EML4: variants seen among roughly 807,000 people sequenced by gnomAD.
The protein encoded by EML4 is EMAP like 4, also known as echinoderm microtubule-associated protein-like 4.
EML4 carries 72 observed loss-of-function variants against 129.0 expected under a neutral mutation model. That is an observed-to-expected ratio of 0.56 (90% CI 0.46 to 0.68). EML4 has a LOEUF of 0.68. Among genes scored for constraint, EML4 ranks in the 30% least tolerant of loss-of-function variants. The probability of loss-of-function intolerance (pLI) is 0.00; values close to 1 mark genes in which losing one functional copy is unlikely to be tolerated. For synonymous variants in EML4, 532 were observed against 405.0 expected, an observed-to-expected ratio of 1.31 and a Z score of -3.77; for missense variants, 1,363 against 1,190.6, an observed-to-expected ratio of 1.14 and a Z score of -2.13.
intron 3 of EML4, among the ~76,000 whole-genome samples, chr2:42,259,686 A>ACGCATCT (rs1665586212): frequency 6.6e-6 from 1 of 150,684 alleles, no homozygotes; most frequent in African/African-American, 2.4e-5. Context: ...GTATGTTAGA[A>ACGCATCT]CGCATCTCTC....
rs146612827 is a variant in EML4, at chr2:42,278,240, G to A, written c.668-2610G>A. ...GGGATGCTAGAGGCAGGGTTAAGTC[G>A]GGGTGGGGTTTTTTTGGTTTTTTGT... On this transcript the variant is annotated intron_variant, in intron 6 of 22. Coordinates refer to ENST00000318522, the MANE Select transcript of EML4 (RefSeq NM_019063.5). 5.7e-3 allele frequency among the ~76,000 whole-genome samples: 873 copies of A among 152,222 alleles called. 2 individuals are homozygous for A. The highest frequency in any genetic ancestry group is 0.041 in the Middle Eastern group (12 of 294).
chr2:42,268,255 A>G lies in EML4; in HGVS notation c.667+3524A>G, dbSNP rs181942654. ...GTCATAATTCCCTAAACAATACAAT[A>G]TAACAACTAATAAGTAATCTAAAGA... On this transcript the variant is annotated intron_variant, in intron 6 of 22. Coordinates refer to ENST00000318522, the MANE Select transcript of EML4 (RefSeq NM_019063.5). Among the ~76,000 whole-genome samples the G allele has an allele frequency of 1.4e-3, 220 of 152,296 alleles. 1 individual carries two copies. Among genetic ancestry groups the G allele is most frequent in the Non-Finnish European group, 2.4e-3 (165 of 68,022 alleles).
intron 1 of EML4, among the ~76,000 whole-genome samples, chr2:42,190,785 A>C (rs957050108): frequency 6.6e-6 from 1 of 152,258 alleles, no homozygotes; most frequent in Non-Finnish European, 1.5e-5. Flanking sequence ...GCCATAAACA[A>C]TATGTAAACA....
intron 1 of EML4, among the ~76,000 whole-genome samples, chr2:42,212,983 C>T (rs541388925): frequency 6.6e-6 from 1 of 152,276 alleles, no homozygotes; most frequent in Admixed American, 6.5e-5. Flanking sequence ...CTCTAAGTCA[C>T]TTTCCAAAAT....
At chr2:42,306,298 A>C (rs1485183111) in intron 17 of EML4, among the ~76,000 whole-genome samples, 1 of 152,188 alleles carries the variant, frequency 6.6e-6, no homozygotes, top group Admixed American at 6.5e-5. Flanking sequence ...CAACCAAAAA[A>C]AATGGTTAAG....
chr2:42,258,197 G>C (rs1012742050), intron 3 of EML4, among the ~76,000 whole-genome samples: 1 of 152,074 alleles, frequency 6.6e-6, no homozygotes. Flanking sequence ...AAGGAAAATG[G>C]CTCTTTTAGG....
intron 1 of EML4, among the ~76,000 whole-genome samples, chr2:42,184,805 A>G (rs1275651457): frequency 2.0e-5 from 3 of 152,182 alleles, no homozygotes; most frequent in East Asian, 3.8e-4. Context: ...TAAGTCATAT[A>G]TAGCCCTTTA....
chr2:42,285,437 C>A (rs1056243626), intron 9 of EML4, among the ~76,000 whole-genome samples: 16 of 152,136 alleles, frequency 1.1e-4, no homozygotes, highest in South Asian at 2.1e-4. Context: ...ACTTCTAAGA[C>A]CCCTTCCAGT....
intron 6 of EML4, among the ~76,000 whole-genome samples, chr2:42,268,626 C>T (rs892832934): frequency 4.6e-5 from 7 of 152,004 alleles, no homozygotes; most frequent in African/African-American, 1.7e-4. Context: ...TTTATAGAGG[C>T]AGGGTGTCAC....
intron 1 of EML4, among the ~76,000 whole-genome samples, chr2:42,236,255 G>A (rs975100815): frequency 3.9e-5 from 6 of 152,198 alleles, no homozygotes; most frequent in East Asian, 3.9e-4. Context: ...GTTGCACATC[G>A]CCATAGTTTA....
chr2:42,193,020 T>A (rs1671693383), intron 1 of EML4, among the ~76,000 whole-genome samples: 1 of 152,200 alleles, frequency 6.6e-6, no homozygotes, highest in Admixed American at 6.5e-5. Context: ...TGGCTCCACT[T>A]AGCCAAACCT....
chr2:42,176,111 T>C (rs543726929), intron 1 of EML4, among the ~76,000 whole-genome samples: 4 of 152,202 alleles, frequency 2.6e-5, no homozygotes, highest in South Asian at 2.1e-4. Flanking sequence ...TCTGAACTTC[T>C]CTCCTGAATC....
chr2:42,221,175 T>C (rs1346806874), intron 1 of EML4, among the ~76,000 whole-genome samples: 4 of 152,068 alleles, frequency 2.6e-5, no homozygotes, highest in Non-Finnish European at 5.9e-5. Context: ...TAGAAAAAGA[T>C]GTTACCCAGT....
chr2:42,295,066 T>G, intron 11 of EML4, 59 bp from the exon 12 acceptor site: 1 of 1,426,948 alleles, frequency 7.0e-7, no homozygotes, highest in Non-Finnish European at 9.4e-7. Flanking sequence ...GTAATTGAAT[T>G]GATACTTGAA....
At chr2:42,221,402 A>ATTTTTTT (rs1450348385) in intron 1 of EML4, among the ~76,000 whole-genome samples, 5 of 75,602 alleles carry the variant, frequency 6.6e-5, no homozygotes, top group Non-Finnish European at 8.3e-5. Flanking sequence ...AACATGGTTT[A>ATTTTTTT]CTTTTTTTTT....
chr2:42,266,757 T>G (rs1666088468), intron 6 of EML4, among the ~76,000 whole-genome samples: 1 of 152,130 alleles, frequency 6.6e-6, no homozygotes, highest in South Asian at 2.1e-4. Context: ...ATAATAGCCT[T>G]ATGACCTAGG....
In EML4 at chr2:42,178,503, A is replaced by T. The variant is rs141718783; in HGVS notation, c.25+8867A>T. ...AGGCTGCAGTGAGCTATGATATGCCACTGCACTCCAGCCTGGGCAGCAGAG... is the reference window on the plus strand; with the variant it reads ...AGGCTGCAGTGAGCTATGATATGCCTCTGCACTCCAGCCTGGGCAGCAGAG... On this transcript the variant is annotated intron_variant, in intron 1 of 22. Coordinates refer to ENST00000318522, the MANE Select transcript of EML4 (RefSeq NM_019063.5). Among the ~76,000 whole-genome samples the T allele has an allele frequency of 5.9e-3, 896 of 152,224 alleles. 14 individuals are homozygous for T. Among genetic ancestry groups the T allele is most frequent in the African/African-American group, 0.02 (836 of 41,540 alleles).
At chr2:42,208,762 T>TA (rs1479170071) in intron 1 of EML4, among the ~76,000 whole-genome samples, 3 of 150,664 alleles carry the variant, frequency 2.0e-5, no homozygotes, top group African/African-American at 7.3e-5. Flanking sequence ...TTTATTTTTT[T>TA]ACTTTTTTGA....
chr2:42,278,162 A>G (rs17029516), intron 6 of EML4, among the ~76,000 whole-genome samples: 52,510 of 152,020 alleles, frequency 0.35, 9,375 homozygotes, highest in East Asian at 0.57. Context: ...CTCCTTTTGT[A>G]ACCATTTCAC....
Sources: allele counts gnomAD v4.1 joint callset (sites outside exome capture counted in the v4.1 genomes callset), GRCh38; gene constraint gnomAD v4.1.1; transcripts MANE v1.5; gene names NCBI Gene and HGNC (gene_info 2026-07-23, HGNC 2026-07-21).